The following AGBL4 variants were observed in gnomAD, a reference collection of about 807,000 sequenced individuals.
The protein encoded by AGBL4 is AGBL carboxypeptidase 4.
In AGBL4, 58 loss-of-function variants were observed where a neutral mutation model predicts 66.4. That is an observed-to-expected ratio of 0.87 (90% CI 0.71 to 1.09). AGBL4 has a LOEUF of 1.09. Among genes scored for constraint, AGBL4 ranks in the 50% least tolerant of loss-of-function variants. AGBL4 has a pLI of 0.00. For missense variants in AGBL4, 579 were observed against 631.0 expected (o/e 0.92, Z 0.88); for synonymous variants, 234 against 222.9 (o/e 1.05, Z -0.44).
intron 2 of AGBL4, among the ~76,000 whole-genome samples, chr1:49,850,985 C>T (rs1646288470): frequency 6.6e-6 from 1 of 152,042 alleles, no homozygotes; most frequent in Admixed American, 6.6e-5. Flanking sequence ...ATTAAATCTG[C>T]TATCTAATTG....
intron 6 of AGBL4, among the ~76,000 whole-genome samples, chr1:48,748,260 T>C (rs1651077864): frequency 6.6e-6 from 1 of 152,182 alleles, no homozygotes; most frequent in Non-Finnish European, 1.5e-5. Context: ...CTCTCAGAAG[T>C]CATCAGCTGC....
At chr1:48,661,112 TAA>T (rs78136648) in intron 7 of AGBL4, among the ~76,000 whole-genome samples, 74,335 of 151,488 alleles carry the variant, frequency 0.49, 19,528 homozygotes, top group Middle Eastern at 0.64. Flanking sequence ...GCTCGTGGTA[TAA>T]AGAGGGAAAA....
chr1:49,745,491 A>G (rs1183650304), intron 2 of AGBL4, among the ~76,000 whole-genome samples: 5 of 152,088 alleles, frequency 3.3e-5, no homozygotes, highest in Non-Finnish European at 5.9e-5. Context: ...TAGTATATAT[A>G]GTGTTCAGAA....
intron 6 of AGBL4, among the ~76,000 whole-genome samples, chr1:48,830,944 T>C (rs1934402): frequency 0.98 from 148,721 of 152,266 alleles, 72,713 homozygotes; most frequent in East Asian, 1. Flanking sequence ...AAGGTCCCTG[T>C]CCCCATCAAC....
At chr1:49,898,307 G>T (rs1649420222) in intron 1 of AGBL4, among the ~76,000 whole-genome samples, 1 of 151,952 alleles carries the variant, frequency 6.6e-6, no homozygotes, top group African/African-American at 2.4e-5. Context: ...TGGGCAAAAG[G>T]CCTGAATAGA....
At chr1:49,938,450 T>C (rs1654352531) in intron 1 of AGBL4, among the ~76,000 whole-genome samples, 1 of 152,182 alleles carries the variant, frequency 6.6e-6, no homozygotes, top group Non-Finnish European at 1.5e-5. Context: ...TTTCTGAAAC[T>C]ATTCCAATCA....
At chr1:49,136,419 A>G (rs1250937374) in intron 4 of AGBL4, among the ~76,000 whole-genome samples, 2 of 152,210 alleles carry the variant, frequency 1.3e-5, no homozygotes, top group Admixed American at 6.5e-5. Flanking sequence ...CTGACCTTCA[A>G]GATGCACCTT....
chr1:48,736,701 A>G lies in AGBL4; in HGVS notation c.635-73460T>C, dbSNP rs1420311016. Among the ~76,000 whole-genome samples, 1 of 152,196 alleles carries G rather than the reference A, an allele frequency of 6.6e-6. No individual in the cohort carries two copies. The highest frequency in any genetic ancestry group is 2.4e-5 in the African/African-American group (1 of 41,448). On this transcript the variant is annotated intron_variant, in intron 6 of 13. Coordinates refer to ENST00000371839, the MANE Select transcript of AGBL4 (RefSeq NM_032785.4). The surrounding 1 kb of genome is among the most constrained non-coding windows in gnomAD (Gnocchi z 4.0). The stretch of plus-strand genomic sequence containing the variant: ...GGCAATTGTGGATAGAAGGCATTAT[A>G]ACACCATTTTCCTTTCAGATGGAAA...
chr1:49,274,211 G>C (rs936887082), intron 3 of AGBL4, among the ~76,000 whole-genome samples: 2 of 152,034 alleles, frequency 1.3e-5, no homozygotes, highest in African/African-American at 2.4e-5. Flanking sequence ...TTTGATATTT[G>C]ACATACTTCT....
intron 4 of AGBL4, among the ~76,000 whole-genome samples, chr1:49,164,563 G>C (rs1646599056): frequency 6.6e-6 from 1 of 152,106 alleles, no homozygotes; most frequent in African/African-American, 2.4e-5. Context: ...CAGAGCTCTA[G>C]TTCTTGTGAG....
chr1:49,647,055 TAAA>T (rs1430281267), intron 3 of AGBL4, among the ~76,000 whole-genome samples: 3 of 151,778 alleles, frequency 2.0e-5, no homozygotes, highest in Non-Finnish European at 4.4e-5. Flanking sequence ...TACCTAAATG[TAAA>T]ACCTGAAATT....
intron 1 of AGBL4, among the ~76,000 whole-genome samples, chr1:50,022,262 A>G (rs114103166): frequency 0.011 from 1,659 of 152,328 alleles, 26 homozygotes; most frequent in African/African-American, 0.038. Flanking sequence ...AATACAAGCA[A>G]GTAAATTAAA....
intron 3 of AGBL4, among the ~76,000 whole-genome samples, chr1:49,271,179 G>A (rs1288665401): frequency 2.6e-5 from 4 of 152,092 alleles, no homozygotes; most frequent in East Asian, 1.9e-4. Context: ...CCTTCCATGA[G>A]CAGCTTTTGA....
intron 3 of AGBL4, among the ~76,000 whole-genome samples, chr1:49,303,451 T>TTTTATTTACTTATTTATTTA (rs1553180395): frequency 2.7e-5 from 4 of 147,240 alleles, no homozygotes; most frequent in African/African-American, 1.0e-4. Flanking sequence ...CATAAATGTC[T>TTTTATTTACTTATTTATTTA]TTTATTTATT....
intron 3 of AGBL4, among the ~76,000 whole-genome samples, chr1:49,333,730 T>G (rs762756363): frequency 3.0e-4 from 46 of 152,126 alleles, no homozygotes; most frequent in Non-Finnish European, 5.3e-4. Flanking sequence ...AAATTTAAAA[T>G]TAAAGACTGG....
chr1:48,606,683 T>C, intron 9 of AGBL4, among the ~76,000 whole-genome samples: 1 of 152,220 alleles, frequency 6.6e-6, no homozygotes, highest in African/African-American at 2.4e-5. Context: ...GGCCAGTTGG[T>C]GGTTTAGCTC....
At chr1:49,597,515 T>C (rs575623370) in intron 3 of AGBL4, among the ~76,000 whole-genome samples, 1 of 152,246 alleles carries the variant, frequency 6.6e-6, no homozygotes, top group South Asian at 2.1e-4. Context: ...AGAAATTGCA[T>C]TTGGGAAGAC....
At chr1:49,029,428 A>T (rs1664030928) in intron 5 of AGBL4, among the ~76,000 whole-genome samples, 1 of 152,172 alleles carries the variant, frequency 6.6e-6, no homozygotes, top group Non-Finnish European at 1.5e-5. Flanking sequence ...AAACAAGCTT[A>T]TTTACAATAG....
intron 4 of AGBL4, among the ~76,000 whole-genome samples, chr1:49,142,942 T>C (rs1208377457): frequency 2.0e-5 from 3 of 152,150 alleles, no homozygotes; most frequent in Non-Finnish European, 4.4e-5. Flanking sequence ...CTTACATATG[T>C]TCACTCAATC....
Sources: gnomAD v4.1 joint callset for allele counts (sites outside exome capture counted in the v4.1 genomes callset) on GRCh38, gnomAD v4.1.1 for gene constraint, Gnocchi (gnomAD v3.1) non-coding constraint, MANE v1.5 for transcripts, NCBI Gene and HGNC (gene_info 2026-07-23, HGNC 2026-07-21) for gene names.